The following FER variants were observed in gnomAD, a reference collection of about 807,000 sequenced individuals.
FER encodes the protein FER tyrosine kinase.
FER carries 63 observed loss-of-function variants against 111.0 expected under a neutral mutation model. The ratio of observed to expected loss-of-function variants is 0.57; its 90% CI spans 0.46 to 0.70. FER has a LOEUF of 0.70. Among genes scored for constraint, FER ranks in the 30% least tolerant of loss-of-function variants. FER has a pLI of 0.00. For missense variants in FER, 914 were observed against 954.0 expected (o/e 0.96, Z 0.55); for synonymous variants, 327 against 313.9 (o/e 1.04, Z -0.44).
rs1475597239 is a variant in FER at position 109,047,198 on chromosome 5, G to A, written c.1924G>A (p.Gly642Arg). 2 of 1,577,094 alleles carry A rather than the reference G, an allele frequency of 1.3e-6. No individual in the cohort carries two copies. Among genetic ancestry groups the A allele is most frequent in the Non-Finnish European group, 8.7e-7 (1 of 1,154,952 alleles). Reference sequence around the variant, plus strand: ...CTACATCATTATGGAACTGGTTTCAGGTAATGTGATCTGAGAATTTTTGCA... The same window carrying A: ...CTACATCATTATGGAACTGGTTTCAAGTAATGTGATCTGAGAATTTTTGCA... ...PVYIIMELVSGGDFLTFLRRK... is the reference protein window; with the variant it reads ...PVYIIMELVSRGDFLTFLRRK... The change falls in exon 16 of 20, where the codon GGA (glycine) becomes AGA (arginine). Residue 642 changes from glycine to arginine, a missense_variant and splice_region_variant. Around this residue, in one of 3 missense-constraint regions of FER, gnomAD observed 774 missense variants for 782.6 expected, o/e 0.99. Coordinates refer to ENST00000281092, the MANE Select transcript of FER (RefSeq NM_005246.4).
In FER at chr5:109,135,620, G is replaced by A. The variant is rs2043288; in HGVS notation, c.2048+35101G>A. Among the ~76,000 whole-genome samples, 799 of 152,236 alleles carry A rather than the reference G, an allele frequency of 5.2e-3. 6 individuals are homozygous for A. Among genetic ancestry groups the A allele is most frequent in the South Asian group, 0.016 (77 of 4,824 alleles). Reference sequence around the variant, plus strand: ...GGAAACAAGACTTTTGGGGGCAATAGACTATAGCCTCCCCAACTCACCAAA... The same window carrying A: ...GGAAACAAGACTTTTGGGGGCAATAAACTATAGCCTCCCCAACTCACCAAA... On this transcript the variant is annotated intron_variant, in intron 17 of 19. Coordinates refer to ENST00000281092, the MANE Select transcript of FER (RefSeq NM_005246.4).
At chr5:109,140,938 A>G (rs1753455567) in intron 17 of FER, among the ~76,000 whole-genome samples, 1 of 152,186 alleles carries the variant, frequency 6.6e-6, no homozygotes, top group Non-Finnish European at 1.5e-5. Flanking sequence ...AAGTCTTCCA[A>G]GGTAAAATTC....
intron 19 of FER, 122 bp from the exon 20 acceptor site, chr5:109,187,311 G>A: frequency 3.0e-6 from 3 of 994,850 alleles, no homozygotes; most frequent in Non-Finnish European, 1.5e-6. Flanking sequence ...AGAAATGGAT[G>A]TTTTGTTTCC....
chr5:109,085,032 T>G (rs1777405465), intron 16 of FER, among the ~76,000 whole-genome samples: 1 of 151,908 alleles, frequency 6.6e-6, no homozygotes, highest in African/African-American at 2.4e-5. Flanking sequence ...CAGTTTGTTC[T>G]TCTGCAACGT....
At chr5:109,091,763 G>A (rs1406765026) in intron 16 of FER, among the ~76,000 whole-genome samples, 4 of 152,132 alleles carry the variant, frequency 2.6e-5, no homozygotes, top group Non-Finnish European at 1.5e-5. Context: ...GGAGACAAAT[G>A]CTGTGGTTTG....
At chr5:109,055,540 A>G (rs546825530) in intron 16 of FER, among the ~76,000 whole-genome samples, 220 of 152,162 alleles carry the variant, frequency 1.4e-3, no homozygotes, top group African/African-American at 4.8e-3. Context: ...TAATCCCAGC[A>G]CTTTGGGAGG....
chr5:109,126,790 A>G (rs1751784533), intron 17 of FER, among the ~76,000 whole-genome samples: 1 of 152,250 alleles, frequency 6.6e-6, no homozygotes, highest in African/African-American at 2.4e-5. Flanking sequence ...AATAAGGTAT[A>G]CACTAGCTTT....
At chr5:108,889,439 G>C (rs1747682702) in intron 9 of FER, among the ~76,000 whole-genome samples, 1 of 151,844 alleles carries the variant, frequency 6.6e-6, no homozygotes, top group African/African-American at 2.4e-5. Context: ...AGTGAAATAA[G>C]CCAGGCACAG....
chr5:109,095,016 CTT>C lies in FER; in HGVS notation c.1925-5377_1925-5376del, dbSNP rs58394348. ...ACTTAAAAATACAGTGAAATGTACTCTTTTATTTTACAGAACTGTTATCATAA... is the reference window on the plus strand; with the variant it reads ...ACTTAAAAATACAGTGAAATGTACTCTTATTTTACAGAACTGTTATCATAA... On this transcript the variant is annotated intron_variant, in intron 16 of 19. Coordinates refer to ENST00000281092, the MANE Select transcript of FER (RefSeq NM_005246.4). 7.0e-3 allele frequency among the ~76,000 whole-genome samples: 1,059 copies of C among 152,182 alleles called. 16 individuals carry two copies. Among genetic ancestry groups the C allele is most frequent in the African/African-American group, 0.024 (1,015 of 41,530 alleles).
intron 10 of FER, among the ~76,000 whole-genome samples, chr5:108,932,060 A>T (rs1210061857): frequency 6.6e-6 from 1 of 151,840 alleles, no homozygotes; most frequent in Non-Finnish European, 1.5e-5. Flanking sequence ...TCTGGGATAC[A>T]TGTGCAGAAT....
intron 13 of FER, among the ~76,000 whole-genome samples, chr5:109,019,630 T>G (rs1289686519): frequency 6.6e-6 from 1 of 151,804 alleles, no homozygotes; most frequent in Non-Finnish European, 1.5e-5. Flanking sequence ...GAGACATCAG[T>G]CATGTTTTAC....
intron 5 of FER, among the ~76,000 whole-genome samples, chr5:108,864,387 C>G (rs1180178212): frequency 6.6e-6 from 1 of 152,140 alleles, no homozygotes; most frequent in African/African-American, 2.4e-5. Context: ...TAGGAATGGT[C>G]TGAGGTCTGA....
chr5:108,911,697 A>G (rs1292821893), intron 10 of FER, among the ~76,000 whole-genome samples: 1 of 152,120 alleles, frequency 6.6e-6, no homozygotes, highest in Non-Finnish European at 1.5e-5. Flanking sequence ...GCCAATTTTC[A>G]GAGCACCATT....
intron 10 of FER, among the ~76,000 whole-genome samples, chr5:108,910,686 C>T (rs1330234026): frequency 6.6e-6 from 1 of 151,920 alleles, no homozygotes; most frequent in Non-Finnish European, 1.5e-5. Context: ...AGCTTTATGT[C>T]CAATATACCC....
At chr5:108,786,733 C>T (rs925387164) in intron 2 of FER, among the ~76,000 whole-genome samples, 17 of 152,156 alleles carry the variant, frequency 1.1e-4, no homozygotes, top group African/African-American at 4.1e-4. Context: ...ATCTCCTAAC[C>T]TCGTGATCCG....
intron 16 of FER, among the ~76,000 whole-genome samples, chr5:109,079,112 AT>A (rs1776698814): frequency 2.0e-5 from 3 of 152,022 alleles, no homozygotes; most frequent in Admixed American, 2.0e-4. Context: ...CTCCTTGTTT[AT>A]TTTTTTCTAG....
At chr5:108,755,490 G>T (rs79621178) in intron 1 of FER, among the ~76,000 whole-genome samples, 2 of 151,948 alleles carry the variant, frequency 1.3e-5, no homozygotes, top group Non-Finnish European at 2.9e-5. Context: ...GGGTTTTTTT[G>T]TTGTTGTTTT....
At chr5:109,120,992 TG>T (rs544857979) in intron 17 of FER, among the ~76,000 whole-genome samples, 37 of 152,242 alleles carry the variant, frequency 2.4e-4, no homozygotes, top group Admixed American at 1.3e-3. Context: ...TCATAGTTTT[TG>T]GTGGAGTCTT....
intron 10 of FER, among the ~76,000 whole-genome samples, chr5:108,914,503 G>A (rs564439053): frequency 6.6e-6 from 1 of 152,212 alleles, no homozygotes; most frequent in Non-Finnish European, 1.5e-5. Context: ...TCTTGTGGTT[G>A]AAAAATAATG....
Sources: allele counts gnomAD v4.1 joint callset (sites outside exome capture counted in the v4.1 genomes callset), GRCh38; gene constraint gnomAD v4.1.1; regional missense constraint gnomAD v4.1.1; transcripts MANE v1.5; gene names NCBI Gene and HGNC (gene_info 2026-07-23, HGNC 2026-07-21).